CCSER1: variants seen among roughly 807,000 people sequenced by gnomAD.
The protein encoded by CCSER1 is serine-rich coiled-coil domain-containing protein 1.
In CCSER1, 41 loss-of-function variants were observed where a neutral mutation model predicts 82.0. That is an observed-to-expected ratio of 0.50 (90% confidence interval 0.39 to 0.65). CCSER1 has a LOEUF of 0.65. Ranked by LOEUF, CCSER1 falls within the 30% of genes least tolerant of loss-of-function variation. The pLI is 0.00. For synonymous variants in CCSER1, 414 were observed against 383.9 expected (o/e 1.08, Z -0.92); for missense variants, 1,119 against 1,064.2 (o/e 1.05, Z -0.72).
intron 10 of CCSER1, among the ~76,000 whole-genome samples, chr4:91,528,514 A>G (rs1266487023): frequency 6.6e-6 from 1 of 152,188 alleles, no homozygotes; most frequent in African/African-American, 2.4e-5. Context: ...CAATGTTGCT[A>G]TACATTTCCT....
At chr4:90,506,144 T>A (rs570138751) in intron 5 of CCSER1, among the ~76,000 whole-genome samples, 74 of 152,242 alleles carry the variant, frequency 4.9e-4, no homozygotes, top group African/African-American at 1.6e-3. Context: ...AGAAGCAGAG[T>A]TTTAAATATT....
At chr4:91,182,228 A>G (rs889786795) in intron 10 of CCSER1, among the ~76,000 whole-genome samples, 39 of 152,284 alleles carry the variant, frequency 2.6e-4, no homozygotes, top group South Asian at 8.3e-4. Flanking sequence ...GGCTCATGAT[A>G]AGTTTTCAGG....
chr4:90,613,206 G>A (rs1720580812), intron 5 of CCSER1, among the ~76,000 whole-genome samples: 1 of 152,128 alleles, frequency 6.6e-6, no homozygotes, highest in African/African-American at 2.4e-5. Flanking sequence ...CTGGTTATTG[G>A]AAGGATATGA....
At chr4:91,163,632 A>G (rs1731692940) in intron 10 of CCSER1, among the ~76,000 whole-genome samples, 1 of 152,174 alleles carries the variant, frequency 6.6e-6, no homozygotes, top group African/African-American at 2.4e-5. Flanking sequence ...GGGTACATAT[A>G]TATTTAGGAT....
chr4:90,572,019 C>A (rs2153654510), intron 5 of CCSER1, among the ~76,000 whole-genome samples: 2 of 152,214 alleles, frequency 1.3e-5, no homozygotes, highest in Middle Eastern at 6.8e-3. Flanking sequence ...CATTTTCTTT[C>A]ATCTTGAATA....
rs1764749480 is a variant in CCSER1 at position 91,599,992 on chromosome 4, T to A, written c.*935T>A. ...TGTTCTTTTTTATGTAAATCCAATT[T>A]TGGTTTATATACATCAACCCATATC... On this transcript the variant is annotated 3_prime_UTR_variant, in exon 11 of 11. Coordinates refer to ENST00000509176, the MANE Select transcript of CCSER1 (RefSeq NM_001145065.2). 1 of 152,196 alleles carries A rather than the reference T, an allele frequency of 6.6e-6. No homozygotes were observed. The highest frequency in any genetic ancestry group is 6.6e-5 in the Admixed American group (1 of 15,262). The allele number at this position is 152,196 out of a possible 1,614,324, so 9.4% of individuals were successfully genotyped here.
chr4:91,276,228 A>G (rs1742425203), intron 10 of CCSER1, among the ~76,000 whole-genome samples: 1 of 148,664 alleles, frequency 6.7e-6, no homozygotes, highest in South Asian at 2.1e-4. Flanking sequence ...GATTGCACTG[A>G]ATTTGTAGAT....
intron 9 of CCSER1, among the ~76,000 whole-genome samples, chr4:91,018,722 A>G (rs535587314): frequency 9.2e-5 from 14 of 151,926 alleles, no homozygotes; most frequent in Non-Finnish European, 2.1e-4. Flanking sequence ...GTCCTTTCTC[A>G]TGCTGAACCC....
chr4:90,979,995 A>T (rs78207503), intron 9 of CCSER1, among the ~76,000 whole-genome samples: 3,265 of 151,630 alleles, frequency 0.022, 112 homozygotes, highest in African/African-American at 0.074. Context: ...ACTAAAAAAA[A>T]ATAATAAACT....
intron 6 of CCSER1, among the ~76,000 whole-genome samples, chr4:90,689,242 G>A (rs531550833): frequency 6.6e-6 from 1 of 152,152 alleles, no homozygotes; most frequent in East Asian, 1.9e-4. Flanking sequence ...GGGGAAGCAG[G>A]ATTCATCCTC....
intron 8 of CCSER1, among the ~76,000 whole-genome samples, chr4:90,880,489 G>A (rs1404593749): frequency 6.6e-6 from 1 of 152,158 alleles, no homozygotes; most frequent in African/African-American, 2.4e-5. Context: ...CAGCTTATTG[G>A]AGGTGTAGGT....
intron 3 of CCSER1, among the ~76,000 whole-genome samples, chr4:90,318,075 C>G (rs1022723807): frequency 6.6e-6 from 1 of 152,166 alleles, no homozygotes; most frequent in East Asian, 1.9e-4. Context: ...TCCTCTTTCC[C>G]TTTTGTCCAG....
chr4:90,373,297 A>G (rs1338383773), intron 3 of CCSER1, among the ~76,000 whole-genome samples: 1 of 152,204 alleles, frequency 6.6e-6, no homozygotes, highest in Admixed American at 6.5e-5. Flanking sequence ...CATAACCACC[A>G]TGATGAGGAA....
chr4:90,646,425 G>C (rs372112844), intron 6 of CCSER1, among the ~76,000 whole-genome samples: 2 of 152,060 alleles, frequency 1.3e-5, no homozygotes, highest in African/African-American at 4.8e-5. Context: ...AGGTAGAGTT[G>C]GAAGGGATCT....
At chr4:90,892,051 T>C (rs1265926398) in intron 8 of CCSER1, among the ~76,000 whole-genome samples, 1 of 152,118 alleles carries the variant, frequency 6.6e-6, no homozygotes, top group Non-Finnish European at 1.5e-5. Flanking sequence ...ATTTTATTAA[T>C]GTGCATCATC....
intron 1 of CCSER1, among the ~76,000 whole-genome samples, chr4:90,294,275 G>A (rs1183395011): frequency 6.6e-6 from 1 of 152,050 alleles, no homozygotes; most frequent in Non-Finnish European, 1.5e-5. Context: ...TCTTAGGGAG[G>A]CAGAGGCAGG....
At chr4:90,780,657 TAAA>T in intron 7 of CCSER1, 1 of 1,361,632 alleles carries the variant, frequency 7.3e-7, no homozygotes, top group Non-Finnish European at 9.4e-7. Flanking sequence ...ATGATTCTCT[TAAA>T]ATAATAATGA....
At chr4:90,169,817 G>A (rs986163598) in intron 1 of CCSER1, among the ~76,000 whole-genome samples, 1 of 132,630 alleles carries the variant, frequency 7.5e-6, no homozygotes, top group African/African-American at 3.2e-5. Context: ...TTAATCACTG[G>A]GTTACACATG....
At chr4:91,407,178 A>G (rs940341779) in intron 10 of CCSER1, among the ~76,000 whole-genome samples, 1 of 152,198 alleles carries the variant, frequency 6.6e-6, no homozygotes, top group African/African-American at 2.4e-5. Flanking sequence ...AAAAATAAAT[A>G]AATAGCTAGA....
Sources: gnomAD v4.1 joint callset for allele counts (sites outside exome capture counted in the v4.1 genomes callset) on GRCh38, gnomAD v4.1.1 for gene constraint, MANE v1.5 for transcripts, NCBI Gene and HGNC (gene_info 2026-07-23, HGNC 2026-07-21) for gene names.